Variants in NLGN1 observed in about 807,000 individuals in gnomAD.
The protein encoded by NLGN1 is neuroligin 1, also known as neuroligin-1.
A neutral mutation model predicts 65.5 loss-of-function variants in NLGN1; 12 were observed. The ratio of observed to expected loss-of-function variants is 0.18; its 90% CI spans 0.12 to 0.30. The LOEUF (loss-of-function observed/expected upper bound fraction) is 0.30, where lower values mean the gene tolerates loss of function less well. NLGN1 is among the 10% of genes least tolerant of loss of function. NLGN1 has a pLI of 1.00. For synonymous variants in NLGN1, 350 were observed against 359.5 expected (o/e 0.97, Z 0.30); for missense variants, 750 against 1,007.1 (o/e 0.74, Z 3.46).
intron 3 of NLGN1, among the ~76,000 whole-genome samples, chr3:173,610,461 G>A (rs923531535): frequency 1.3e-5 from 2 of 151,856 alleles, no homozygotes; most frequent in Non-Finnish European, 2.9e-5. Flanking sequence ...TATAAATTTG[G>A]CAGTTACTCT....
chr3:173,503,670 G>A (rs1731530127), intron 2 of NLGN1, among the ~76,000 whole-genome samples: 1 of 152,044 alleles, frequency 6.6e-6, no homozygotes, highest in Admixed American at 6.6e-5. Context: ...GGGAATGCTT[G>A]TCACTTTGTA....
intron 4 of NLGN1, among the ~76,000 whole-genome samples, chr3:174,228,967 A>G (rs1424617912): frequency 2.6e-5 from 4 of 152,078 alleles, no homozygotes; most frequent in African/African-American, 9.7e-5. Context: ...GATTCCATTT[A>G]TTTCCAAAGC....
chr3:174,081,726 C>G (rs1742283752), intron 4 of NLGN1, among the ~76,000 whole-genome samples: 1 of 152,006 alleles, frequency 6.6e-6, no homozygotes, highest in South Asian at 2.1e-4. Flanking sequence ...CATGTGCCAC[C>G]ACGTCCAGCT....
chr3:174,017,704 G>C (rs1208111935), intron 4 of NLGN1, among the ~76,000 whole-genome samples: 2 of 152,102 alleles, frequency 1.3e-5, no homozygotes, highest in Non-Finnish European at 2.9e-5. Context: ...AAACCAGCAA[G>C]TTTTTATTAG....
At chr3:173,794,659 CT>C (rs1249202890) in intron 3 of NLGN1, among the ~76,000 whole-genome samples, 2 of 152,118 alleles carry the variant, frequency 1.3e-5, no homozygotes, top group Non-Finnish European at 2.9e-5. Flanking sequence ...TGTAGAAATA[CT>C]GTATCTGCAT....
intron 4 of NLGN1, among the ~76,000 whole-genome samples, chr3:173,838,300 G>A (rs1281633469): frequency 6.6e-6 from 1 of 151,786 alleles, no homozygotes; most frequent in African/African-American, 2.4e-5. Context: ...CAAGAGGATA[G>A]CCTTATAAAA....
At chr3:173,959,903 T>A (rs1713113489) in intron 4 of NLGN1, among the ~76,000 whole-genome samples, 1 of 152,152 alleles carries the variant, frequency 6.6e-6, no homozygotes, top group South Asian at 2.1e-4. Context: ...TTCACCCACT[T>A]TTCCGTTGTT....
At chr3:173,529,676 C>T (rs150687872) in intron 2 of NLGN1, among the ~76,000 whole-genome samples, 15 of 152,150 alleles carry the variant, frequency 9.9e-5, no homozygotes, top group African/African-American at 3.1e-4. Flanking sequence ...AATGCCTGAC[C>T]CTCAGCTCTC....
chr3:174,000,726 G>T (rs1371897175), intron 4 of NLGN1, among the ~76,000 whole-genome samples: 1 of 152,188 alleles, frequency 6.6e-6, no homozygotes, highest in Non-Finnish European at 1.5e-5. Flanking sequence ...TGGTAAAGAT[G>T]AATTCATGAG....
At chr3:173,807,760 T>C in exon 4 of NLGN1, 1 of 1,613,814 alleles carries the variant, frequency 6.2e-7, no homozygotes, top group Non-Finnish European at 8.5e-7. Flanking sequence ...TGGAAATTTA[T>C]ATGATGGAAG....
rs1553897255 is a variant in NLGN1, at chr3:173,944,124, G to GGTGTGT, written c.646+136325_646+136330dup. Among the ~76,000 whole-genome samples the GGTGTGT allele has an allele frequency of 3.1e-3, 435 of 139,582 alleles. 1 individual carries two copies. The highest frequency in any genetic ancestry group is 3.8e-3 in the Non-Finnish European group (245 of 64,240). 91.6% of individuals were successfully genotyped at this position (139,582 alleles called of 152,430 possible). On this transcript the variant is annotated intron_variant, in intron 4 of 6. Coordinates refer to ENST00000457714, the Ensembl canonical transcript of NLGN1. ...TTTTAAATGTCCAGTTAATATTATG[G>GGTGTGT]GTGTGTGTGTGTGTGTGTGTGTGTG...
Position 174,073,386 on chromosome 3 carries a change from C to CG in NLGN1, c.647-201922dup, listed in dbSNP as rs1191051903. On this transcript the variant is annotated intron_variant, in intron 4 of 6. Coordinates refer to ENST00000457714, the Ensembl canonical transcript of NLGN1. ...GAACAATAAAATTTCAGAATTTTGGCGGGGGGGCACTTTAGCATATGTAAA... is the reference window on the plus strand; with the variant it reads ...GAACAATAAAATTTCAGAATTTTGGCGGGGGGGGCACTTTAGCATATGTAAA... Among the ~76,000 whole-genome samples the CG allele has an allele frequency of 7.3e-5, 11 of 151,520 alleles. No individual in the cohort carries two copies. The South Asian group carries it at 1.0e-3, about 14-fold the overall frequency.
At chr3:174,189,307 C>T (rs1413774139) in intron 4 of NLGN1, among the ~76,000 whole-genome samples, 2 of 151,960 alleles carry the variant, frequency 1.3e-5, no homozygotes, top group African/African-American at 4.8e-5. Context: ...CATCTTTCCT[C>T]AGTGGATAGA....
intron 4 of NLGN1, among the ~76,000 whole-genome samples, chr3:174,007,187 A>T (rs1366948818): frequency 6.6e-6 from 1 of 152,184 alleles, no homozygotes; most frequent in Non-Finnish European, 1.5e-5. Context: ...AGCCAAGAAG[A>T]GAGGCCTCAA....
chr3:173,415,920 G>T (rs1204002466), intron 1 of NLGN1, among the ~76,000 whole-genome samples: 24 of 113,512 alleles, frequency 2.1e-4, no homozygotes, highest in African/African-American at 1.2e-3. Flanking sequence ...GAGAGAGAGG[G>T]AGAGAGAGAG....
At chr3:174,189,423 T>C (rs553262907) in intron 4 of NLGN1, among the ~76,000 whole-genome samples, 4 of 152,096 alleles carry the variant, frequency 2.6e-5, no homozygotes, top group South Asian at 2.1e-4. Context: ...ACCAACCAAT[T>C]TGAGTAATTG....
At chr3:173,976,678 TG>T (rs2152384676) in intron 4 of NLGN1, among the ~76,000 whole-genome samples, 1 of 152,234 alleles carries the variant, frequency 6.6e-6, no homozygotes, top group East Asian at 1.9e-4. Flanking sequence ...TTCTGGGCTA[TG>T]TTGAAGAGCA....
At chr3:174,197,382 T>C (rs1164369988) in intron 4 of NLGN1, among the ~76,000 whole-genome samples, 1 of 151,956 alleles carries the variant, frequency 6.6e-6, no homozygotes, top group Non-Finnish European at 1.5e-5. Flanking sequence ...ACTATAGGTA[T>C]AGTTTATATC....
chr3:173,803,258 A>G (rs1010588994), intron 3 of NLGN1, among the ~76,000 whole-genome samples: 2 of 152,208 alleles, frequency 1.3e-5, no homozygotes, highest in African/African-American at 4.8e-5. Context: ...TTTAAGAAGT[A>G]TTTTAAAAAT....
Sources: gnomAD v4.1 joint callset for allele counts (sites outside exome capture counted in the v4.1 genomes callset) on GRCh38, gnomAD v4.1.1 for gene constraint, MANE v1.5 for transcripts, NCBI Gene and HGNC (gene_info 2026-07-23, HGNC 2026-07-21) for gene names.